Variants in BEND7 observed in about 807,000 individuals in gnomAD.
BEND7 encodes the protein BEN domain-containing protein 7.
BEND7 carries 28 observed loss-of-function variants against 50.9 expected under a neutral mutation model. The observed-to-expected ratio is 0.55, with a 90% CI of 0.41 to 0.75. BEND7 has a LOEUF of 0.75. Among genes scored for constraint, BEND7 ranks in the 30% least tolerant of loss-of-function variants. BEND7 has a pLI of 0.00. For missense variants in BEND7, 477 were observed against 491.3 expected (o/e 0.97, Z 0.28); for synonymous variants, 170 against 183.9 (o/e 0.92, Z 0.61).
chr10:13,502,057 G>C (rs10752307), intron 2 of BEND7, among the ~76,000 whole-genome samples: 77,280 of 134,148 alleles, frequency 0.58, 20,062 homozygotes, highest in Non-Finnish European at 0.63. Flanking sequence ...GTATATATAA[G>C]GATATGTATA....
At chr10:13,442,371 T>G (rs1341385485) in intron 8 of BEND7, 1 of 152,254 alleles carries the variant, frequency 6.6e-6, no homozygotes, top group East Asian at 1.9e-4. Context: ...TGGCGAAGAT[T>G]CAATGCAATT....
intron 3 of BEND7, among the ~76,000 whole-genome samples, chr10:13,498,562 G>A (rs1172577563): frequency 6.6e-6 from 1 of 152,090 alleles, no homozygotes; most frequent in Non-Finnish European, 1.5e-5. Flanking sequence ...ATACCTAAGG[G>A]TATTTTATTT....
At chr10:13,467,071 A>C (rs981748458) in intron 6 of BEND7, among the ~76,000 whole-genome samples, 2 of 152,182 alleles carry the variant, frequency 1.3e-5, no homozygotes, top group African/African-American at 4.8e-5. Flanking sequence ...CACCGGGGGA[A>C]GATGCTGGGG....
intron 2 of BEND7, among the ~76,000 whole-genome samples, chr10:13,504,430 G>A (rs547149689): frequency 3.9e-4 from 60 of 152,276 alleles, no homozygotes; most frequent in African/African-American, 1.2e-3. Flanking sequence ...TGTTAACCAA[G>A]CACTTTGTGG....
At chr10:13,441,889 C>T in intron 8 of BEND7, 139 bp from the exon 9 acceptor site, 1 of 815,294 alleles carries the variant, frequency 1.2e-6, no homozygotes, top group South Asian at 1.7e-5. Context: ...AAAGAAGCCA[C>T]ACATATATGA....
chr10:13,497,866 C>T (rs2077135212), intron 3 of BEND7, among the ~76,000 whole-genome samples: 1 of 152,006 alleles, frequency 6.6e-6, no homozygotes, highest in African/African-American at 2.4e-5. Context: ...TACCTTAAAT[C>T]CTGTAATATG....
At chr10:13,491,132 T>C (rs1178656300) in intron 5 of BEND7, among the ~76,000 whole-genome samples, 2 of 151,934 alleles carry the variant, frequency 1.3e-5, no homozygotes, top group Admixed American at 1.3e-4. Flanking sequence ...ATGTTATTCT[T>C]CCAAGACAAT....
chr10:13,455,839 T>C (rs1457407236), intron 6 of BEND7, among the ~76,000 whole-genome samples: 2 of 151,710 alleles, frequency 1.3e-5, no homozygotes, highest in Non-Finnish European at 2.9e-5. Context: ...ATGGAGGGTG[T>C]AGGGGAGGTG....
intron 2 of BEND7, among the ~76,000 whole-genome samples, chr10:13,525,454 C>T (rs551674870): frequency 6.6e-6 from 1 of 152,302 alleles, no homozygotes; most frequent in South Asian, 2.1e-4. Flanking sequence ...CTGACGTGAG[C>T]TGGGAACAAG....
At chr10:13,517,340 A>G (rs1473594716) in intron 2 of BEND7, among the ~76,000 whole-genome samples, 1 of 152,114 alleles carries the variant, frequency 6.6e-6, no homozygotes, top group Non-Finnish European at 1.5e-5. Flanking sequence ...CAGGAATGAA[A>G]AGTGGTCTGG....
intron 6 of BEND7, among the ~76,000 whole-genome samples, chr10:13,457,015 C>G (rs1233799835): frequency 6.6e-6 from 1 of 152,116 alleles, no homozygotes; most frequent in African/African-American, 2.4e-5. Context: ...TATTTAGCAT[C>G]CTATTCGTTT....
chr10:13,527,267 T>C (rs12249508), intron 1 of BEND7, among the ~76,000 whole-genome samples: 19,866 of 152,212 alleles, frequency 0.13, 2,072 homozygotes, highest in African/African-American at 0.29. Flanking sequence ...GCCAAGTATT[T>C]TGAATGCGTG....
intron 6 of BEND7, among the ~76,000 whole-genome samples, chr10:13,461,520 G>A (rs548875945): frequency 2.7e-4 from 41 of 152,332 alleles, no homozygotes; most frequent in African/African-American, 9.4e-4. Flanking sequence ...ATCACTTTCA[G>A]TCAGGAGTTT....
intron 6 of BEND7, among the ~76,000 whole-genome samples, chr10:13,471,364 G>A (rs939555850): frequency 2.0e-5 from 3 of 152,238 alleles, no homozygotes; most frequent in African/African-American, 7.2e-5. Flanking sequence ...TATCTGAAAA[G>A]CAGCAAAGAT....
chr10:13,508,037 T>G (rs542878106), intron 2 of BEND7, among the ~76,000 whole-genome samples: 1 of 152,244 alleles, frequency 6.6e-6, no homozygotes, highest in Non-Finnish European at 1.5e-5. Flanking sequence ...GGGAGACAGG[T>G]GGGAGCACGG....
At chr10:13,470,872 A>T (rs967098828) in intron 6 of BEND7, among the ~76,000 whole-genome samples, 5 of 152,234 alleles carry the variant, frequency 3.3e-5, no homozygotes, top group Non-Finnish European at 7.3e-5. Flanking sequence ...GTTAAGGTAA[A>T]CAAGTTGCTG....
chr10:13,510,262 A>G (rs911070357), intron 2 of BEND7, among the ~76,000 whole-genome samples: 2 of 152,254 alleles, frequency 1.3e-5, no homozygotes, highest in African/African-American at 2.4e-5. Flanking sequence ...AATGAAAATT[A>G]ACATAAAATT....
chr10:13,447,177 T>G (rs951797054), intron 8 of BEND7, 89 bp downstream of exon 8: 2 of 1,369,970 alleles, frequency 1.5e-6, no homozygotes, highest in African/African-American at 1.5e-5. Flanking sequence ...AGTGTCTGCA[T>G]GTCTAATGTT....
intron 7 of BEND7, among the ~76,000 whole-genome samples, chr10:13,447,827 CTGA>C (rs1564500551): frequency 6.6e-6 from 1 of 152,276 alleles, no homozygotes; most frequent in South Asian, 2.1e-4. Flanking sequence ...CTATTGATCA[CTGA>C]TGATTTCTGT....
Sources: gnomAD v4.1 joint callset for allele counts (sites outside exome capture counted in the v4.1 genomes callset) on GRCh38, gnomAD v4.1.1 for gene constraint, MANE v1.5 for transcripts, NCBI Gene and HGNC (gene_info 2026-07-23, HGNC 2026-07-21) for gene names.